The following SHROOM2 variants were observed in gnomAD, a reference collection of about 807,000 sequenced individuals.
SHROOM2 encodes shroom family member 2.
A neutral mutation model predicts 75.9 loss-of-function variants in SHROOM2; 33 were observed. The ratio of observed to expected loss-of-function variants is 0.43; its 90% CI spans 0.33 to 0.58. The LOEUF (loss-of-function observed/expected upper bound fraction) is 0.58. SHROOM2 is among the 20% of genes least tolerant of loss of function. The pLI, the probability that SHROOM2 is intolerant of heterozygous loss-of-function variation, is 0.04. For synonymous variants in SHROOM2, 655 were observed against 663.6 expected (o/e 0.99, Z 0.20); for missense variants, 1,434 against 1,461.2 (o/e 0.98, Z 0.30).
intron 7 of SHROOM2, among the ~76,000 whole-genome samples, chrX:9,938,469 C>G (rs1274761548): frequency 1.8e-5 from 2 of 111,470 alleles, no homozygotes; most frequent in Non-Finnish European, 3.8e-5. Flanking sequence ...GGGAGGATCA[C>G]TTGAGCCCAG....
At chrX:9,882,661 C>A (rs749036795) in intron 2 of SHROOM2, among the ~76,000 whole-genome samples, 1 of 111,700 alleles carries the variant, frequency 9.0e-6, no homozygotes, top group East Asian at 2.8e-4. Flanking sequence ...TGCCATAGGA[C>A]CCAGGTTGAA....
At chrX:9,920,135 T>C (rs779617944) in intron 5 of SHROOM2, among the ~76,000 whole-genome samples, 14 of 110,633 alleles carry the variant, frequency 1.3e-4, no homozygotes, top group South Asian at 3.9e-4. Context: ...CTCAACTCGC[T>C]ACAACTCATC....
At chrX:9,851,767 C>T (rs991845103) in intron 1 of SHROOM2, among the ~76,000 whole-genome samples, 9 of 110,194 alleles carry the variant, frequency 8.2e-5, no homozygotes, top group Non-Finnish European at 1.5e-4. Flanking sequence ...ACATAGAGAC[C>T]GTCAAGACAC....
At chrX:9,821,370 G>A (rs370744516) in intron 1 of SHROOM2, among the ~76,000 whole-genome samples, 2 of 111,624 alleles carry the variant, frequency 1.8e-5, no homozygotes, top group African/African-American at 3.3e-5. Flanking sequence ...TAGAGGACGT[G>A]GGGGAGGCGT....
At position 9,834,345 on chromosome X, in the gene SHROOM2, C is replaced by G. The variant is rs1186629992; in HGVS notation, c.166-39307C>G. 4.5e-5 allele frequency among the ~76,000 whole-genome samples: 5 copies of G among 112,247 alleles called. No individual in the cohort carries two copies. The East Asian group carries it at 1.4e-3, about 32-fold the overall frequency. On this transcript the variant is annotated intron_variant, in intron 1 of 9. Coordinates refer to ENST00000380913, the MANE Select transcript of SHROOM2 (RefSeq NM_001649.4). The stretch of plus-strand genomic sequence containing the variant: ...AATCTGCTGGAAGAAAAGAGAGGCT[C>G]AGACACTCCGTGTGGTGTTGCATGT...
chrX:9,840,854 G>T (rs2083975773), intron 1 of SHROOM2, among the ~76,000 whole-genome samples: 1 of 112,382 alleles, frequency 8.9e-6, no homozygotes, highest in Non-Finnish European at 1.9e-5. Flanking sequence ...TTCTTCTGTA[G>T]TGAATATTTA....
At chrX:9,886,212 A>G (rs2147008529) in intron 2 of SHROOM2, among the ~76,000 whole-genome samples, 1 of 112,245 alleles carries the variant, frequency 8.9e-6, no homozygotes, top group East Asian at 2.8e-4. Context: ...TGCCTCCGAC[A>G]ACTCCCACCC....
In SHROOM2 at chrX:9,937,448, T is replaced by C. The variant is rs1217254778; in HGVS notation, c.3902T>C (p.Leu1301Pro). 4.1e-6 allele frequency: 5 copies of C among 1,209,204 alleles called. No homozygotes were observed. Among genetic ancestry groups the C allele is most frequent in the Admixed American group, 4.4e-5 (2 of 45,804 alleles). Residue 1301 changes from leucine (L) to proline (P), a missense_variant, in exon 7 of 10, where the codon CTC (leucine) becomes CCC (proline). Leu to Pro is a moderately conservative substitution (Grantham distance 98). Transcript: ENST00000380913. ...EKDRCTSPPGLSYMKAKEKTV... is the reference protein window; with the variant it reads ...EKDRCTSPPGPSYMKAKEKTV... The stretch of plus-strand genomic sequence containing the variant: ...GACCGCTGCACCTCCCCTCCAGGGC[T>C]CAGCTACATGAAGGCCAAAGAGAAG...
At chrX:9,787,799 G>A (rs774682822) in intron 1 of SHROOM2, among the ~76,000 whole-genome samples, 16 of 111,745 alleles carry the variant, frequency 1.4e-4, no homozygotes, top group African/African-American at 5.2e-4. Context: ...GCCTTGTTTA[G>A]CTTTGCACTA....
At chrX:9,867,074 T>C (rs2084143820) in intron 1 of SHROOM2, among the ~76,000 whole-genome samples, 1 of 111,450 alleles carries the variant, frequency 9.0e-6, no homozygotes, top group Non-Finnish European at 1.9e-5. Context: ...CTTGCCCTTA[T>C]GGGACTTCAT....
At chrX:9,868,434 T>C (rs188390907) in intron 1 of SHROOM2, among the ~76,000 whole-genome samples, 180 of 109,253 alleles carry the variant, frequency 1.6e-3, no homozygotes, top group African/African-American at 5.7e-3. Context: ...TTAGTAGAGA[T>C]GGGGTTTCAC....
intron 5 of SHROOM2, among the ~76,000 whole-genome samples, chrX:9,928,235 G>T (rs758928596): frequency 8.9e-6 from 1 of 112,275 alleles, no homozygotes; most frequent in South Asian, 3.7e-4. Flanking sequence ...GGAGCCTGCC[G>T]GCCCTCTCCC....
intron 1 of SHROOM2, among the ~76,000 whole-genome samples, chrX:9,794,268 C>T (rs983305723): frequency 1.8e-5 from 2 of 112,190 alleles, no homozygotes; most frequent in Admixed American, 1.9e-4. Flanking sequence ...AACTTCCCTC[C>T]AGCCCCTGCC....
rs749958517 is a variant in SHROOM2 at position 9,810,774 on chromosome X, T to C, written c.165+24064T>C. On this transcript the variant is annotated intron_variant, in intron 1 of 9. Transcript: ENST00000380913. ...ATTGGGCGCTGATTCAGAGCATACA[T>C]GGCCTTCTGAAGAACTTTGCCCCAG... Among the ~76,000 whole-genome samples, 3 of 110,776 alleles carry C rather than the reference T, an allele frequency of 2.7e-5. No individual in the cohort carries two copies. In the South Asian group the frequency reaches 1.2e-3, roughly 44 times the overall value.
At chrX:9,946,600 G>C (rs965509136) in intron 9 of SHROOM2, 71 bp from the exon 10 acceptor site, 1 of 1,048,256 alleles carries the variant, frequency 9.5e-7, no homozygotes, top group Non-Finnish European at 1.3e-6. Flanking sequence ...CAAGTTGCCA[G>C]TGTCTTCAAG....
intron 1 of SHROOM2, among the ~76,000 whole-genome samples, chrX:9,852,325 A>G (rs2084045298): frequency 8.9e-6 from 1 of 112,918 alleles, no homozygotes; most frequent in African/African-American, 3.2e-5. Context: ...CTGCCTTGGC[A>G]GGGGAGTGGG....
intron 5 of SHROOM2, among the ~76,000 whole-genome samples, chrX:9,928,555 A>C (rs1348895827): frequency 3.6e-5 from 4 of 112,207 alleles, no homozygotes; most frequent in Admixed American, 9.5e-5. Context: ...GTCTACACAC[A>C]GGCACAACAG....
intron 1 of SHROOM2, among the ~76,000 whole-genome samples, chrX:9,833,645 T>TGTGTGTGTGTGTGTGTGTGC (rs989151309): frequency 1.0e-5 from 1 of 100,146 alleles, no homozygotes; most frequent in Admixed American, 1.1e-4. Context: ...TGTGTGTGTG[T>TGTGTGTGTGTGTGTGTGTGC]GCATGCACGT....
At chrX:9,871,494 C>G (rs1402971297) in intron 1 of SHROOM2, among the ~76,000 whole-genome samples, 1 of 111,928 alleles carries the variant, frequency 8.9e-6, no homozygotes, top group Non-Finnish European at 1.9e-5. Flanking sequence ...CTGCCTTTTG[C>G]TATCCCTTGG....
Sources: allele counts gnomAD v4.1 joint callset (sites outside exome capture counted in the v4.1 genomes callset), GRCh38; gene constraint gnomAD v4.1.1; transcripts MANE v1.5; gene names NCBI Gene and HGNC (gene_info 2026-07-23, HGNC 2026-07-21).